The following BTC variants were observed in gnomAD, a reference collection of about 807,000 sequenced individuals.
BTC encodes betacellulin.
A neutral mutation model predicts 18.1 loss-of-function variants in BTC; 13 were observed. The observed-to-expected ratio is 0.72, with a 90% CI of 0.47 to 1.14. BTC has a LOEUF of 1.14. BTC is among the 50% of genes most tolerant of loss of function. The probability of loss-of-function intolerance (pLI) is 0.00; values close to 1 mark genes in which losing one functional copy is unlikely to be tolerated. For missense variants in BTC, 247 were observed against 224.2 expected, an observed-to-expected ratio of 1.10 and a Z score of -0.65; for synonymous variants, 83 against 79.4, an observed-to-expected ratio of 1.05 and a Z score of -0.24.
At chr4:74,748,968 C>CTACCT (rs1312985371) in intron 4 of BTC, among the ~76,000 whole-genome samples, 2 of 152,284 alleles carry the variant, frequency 1.3e-5, no homozygotes, top group East Asian at 3.9e-4. Flanking sequence ...ATATTTCTTC[C>CTACCT]TACCTTAAAG....
intron 2 of BTC, among the ~76,000 whole-genome samples, chr4:74,756,205 G>C (rs1235954293): frequency 5.9e-5 from 9 of 152,144 alleles, no homozygotes; most frequent in African/African-American, 1.9e-4. Flanking sequence ...ATTAAGATTT[G>C]ACTTCAACCT....
intron 1 of BTC, among the ~76,000 whole-genome samples, chr4:74,789,638 A>T (rs959871803): frequency 6.6e-6 from 1 of 152,174 alleles, no homozygotes; most frequent in Admixed American, 6.5e-5. Context: ...TCTGTTCTTG[A>T]GCATCTGAAA....
intron 1 of BTC, among the ~76,000 whole-genome samples, chr4:74,785,549 G>A (rs1725456221): frequency 1.3e-5 from 2 of 152,244 alleles, no homozygotes; most frequent in South Asian, 4.1e-4. Flanking sequence ...GATTTTTGAT[G>A]TGTCAAGCCC....
intron 1 of BTC, among the ~76,000 whole-genome samples, chr4:74,781,218 C>T (rs1428213227): frequency 3.1e-5 from 4 of 128,550 alleles, no homozygotes; most frequent in African/African-American, 1.5e-4. Context: ...AAATTTCTTC[C>T]AAATGCTGCC....
intron 2 of BTC, among the ~76,000 whole-genome samples, chr4:74,760,219 G>A (rs1724712926): frequency 6.6e-6 from 1 of 152,116 alleles, no homozygotes; most frequent in Admixed American, 6.6e-5. Context: ...AGTATCTCCA[G>A]CTCCGTAGTT....
chr4:74,763,701 G>A (rs1553957549), intron 2 of BTC, among the ~76,000 whole-genome samples: 1 of 152,096 alleles, frequency 6.6e-6, no homozygotes. Flanking sequence ...CACGGATGCT[G>A]AGGAGGTGGG....
chr4:74,753,092 G>A (rs1553956349), intron 3 of BTC, among the ~76,000 whole-genome samples: 1 of 152,304 alleles, frequency 6.6e-6, no homozygotes. Context: ...TCATGTAGGA[G>A]AAGAAGAGGC....
intron 5 of BTC, among the ~76,000 whole-genome samples, chr4:74,747,028 T>A (rs2109873709): frequency 6.6e-6 from 1 of 152,238 alleles, no homozygotes; most frequent in East Asian, 1.9e-4. Flanking sequence ...AAGAGGGAAA[T>A]AATCTGGTTC....
chr4:74,787,599 T>C (rs1257168995), intron 1 of BTC, among the ~76,000 whole-genome samples: 1 of 152,206 alleles, frequency 6.6e-6, no homozygotes, highest in Non-Finnish European at 1.5e-5. Flanking sequence ...GACCAACTTA[T>C]GTGTGATTCT....
intron 1 of BTC, among the ~76,000 whole-genome samples, chr4:74,784,797 C>T (rs568539683): frequency 6.6e-6 from 1 of 152,258 alleles, no homozygotes; most frequent in Admixed American, 6.5e-5. Context: ...GGTGGATAAG[C>T]TTTTTGATAT....
intron 1 of BTC, among the ~76,000 whole-genome samples, chr4:74,792,296 C>T (rs1259621336): frequency 6.6e-6 from 1 of 152,110 alleles, no homozygotes; most frequent in African/African-American, 2.4e-5. Flanking sequence ...TCGAGTTTTG[C>T]TTTTTGATTT....
At chr4:74,792,862 T>A (rs1021553509) in intron 1 of BTC, among the ~76,000 whole-genome samples, 1 of 152,216 alleles carries the variant, frequency 6.6e-6, no homozygotes, top group African/African-American at 2.4e-5. Context: ...ATTCCGTGAA[T>A]TTTTCCACAG....
chr4:74,779,066 T>A (rs1725251256), intron 1 of BTC, among the ~76,000 whole-genome samples: 1 of 152,168 alleles, frequency 6.6e-6, no homozygotes, highest in Non-Finnish European at 1.5e-5. Flanking sequence ...AGAGGGTCTT[T>A]ACAAATAGTG....
chr4:74,752,465 G>C (rs1024941364), intron 3 of BTC, among the ~76,000 whole-genome samples: 1 of 147,192 alleles, frequency 6.8e-6, no homozygotes, highest in Non-Finnish European at 1.5e-5. Context: ...TGCAACCTCC[G>C]TCTCCCGGGT....
intron 1 of BTC, among the ~76,000 whole-genome samples, chr4:74,783,334 C>T (rs140857348): frequency 4.9e-4 from 74 of 152,238 alleles, no homozygotes; most frequent in African/African-American, 1.7e-3. Context: ...CCAGTTCTCT[C>T]GGCACCGTTT....
chr4:74,750,777 C>G, intron 3 of BTC, 58 bp from the exon 4 acceptor site: 4 of 1,566,830 alleles, frequency 2.6e-6, no homozygotes, highest in Non-Finnish European at 2.6e-6. Context: ...AGAATCTCTA[C>G]TTCTTTTCTG....
At chr4:74,747,275 T>A (rs1724317258) in intron 5 of BTC, among the ~76,000 whole-genome samples, 1 of 152,192 alleles carries the variant, frequency 6.6e-6, no homozygotes, top group African/African-American at 2.4e-5. Flanking sequence ...TCACCAGGGC[T>A]CCATTGCCCT....
chr4:74,780,893 TTTC>T lies in BTC; in HGVS notation c.65-10740_65-10738del, dbSNP rs745834845. On this transcript the variant is annotated intron_variant, in intron 1 of 5. Coordinates refer to ENST00000395743, the MANE Select transcript of BTC (RefSeq NM_001729.4). ...CCTTCCCAGGGAAGTCTACTGAGAGTTTCTTTTTTTTTTTTTAATTTTATTATT... is the reference window on the plus strand; with the variant it reads ...CCTTCCCAGGGAAGTCTACTGAGAGTTTTTTTTTTTTTTAATTTTATTATT... 4.5e-3 allele frequency among the ~76,000 whole-genome samples: 463 copies of T among 103,894 alleles called. 2 individuals carry two copies. The highest frequency in any genetic ancestry group is 0.03 in the African/African-American group (424 of 14,198). The allele number at this position is 103,894 out of a possible 152,430, so 68.2% of individuals were successfully genotyped here.
In BTC at chr4:74,792,002, CACACAA is replaced by C. The variant is rs574276686; in HGVS notation, c.64+2254_64+2259del. ...ACACACACACACACACACACACACA[CACACAA>C]ACACTAGTGTCTCATGCATCTTATT... On this transcript the variant is annotated intron_variant, in intron 1 of 5. Transcript: ENST00000395743. Among the ~76,000 whole-genome samples the C allele has an allele frequency of 6.9e-3, 997 of 145,268 alleles. 5 individuals carry two copies. Among genetic ancestry groups the C allele is most frequent in the South Asian group, 0.012 (57 of 4,706 alleles).
Sources: allele counts gnomAD v4.1 joint callset (sites outside exome capture counted in the v4.1 genomes callset), GRCh38; gene constraint gnomAD v4.1.1; transcripts MANE v1.5; gene names NCBI Gene and HGNC (gene_info 2026-07-23, HGNC 2026-07-21).